Variants in RGL1 observed in about 807,000 individuals in gnomAD.
RGL1 encodes the protein ral guanine nucleotide dissociation stimulator like 1.
In RGL1, 24 loss-of-function variants were observed where a neutral mutation model predicts 95.2. That is an observed-to-expected ratio of 0.25 (90% confidence interval 0.18 to 0.35). The LOEUF is 0.35. RGL1 is among the 10% of genes least tolerant of loss of function. The probability of loss-of-function intolerance (pLI) is 1.00; values close to 1 mark genes in which losing one functional copy is unlikely to be tolerated. For missense variants in RGL1, 715 were observed against 936.3 expected (o/e 0.76, Z 3.08); for synonymous variants, 329 against 344.9 (o/e 0.95, Z 0.51).
chr1:183,870,295 G>A (rs1427385877), intron 4 of RGL1, among the ~76,000 whole-genome samples: 2 of 122,048 alleles, frequency 1.6e-5, no homozygotes, highest in African/African-American at 2.8e-5. Flanking sequence ...CTTCCGGCCA[G>A]GGTAGGTGTC....
intron 2 of RGL1, among the ~76,000 whole-genome samples, chr1:183,822,630 G>A (rs531662254): frequency 2.0e-5 from 3 of 152,254 alleles, no homozygotes; most frequent in South Asian, 2.1e-4. Flanking sequence ...CTCCAGTGAC[G>A]GAATGACATG....
At chr1:183,882,718 C>G (rs543542042) in intron 5 of RGL1, among the ~76,000 whole-genome samples, 2 of 152,302 alleles carry the variant, frequency 1.3e-5, no homozygotes, top group South Asian at 4.1e-4. Flanking sequence ...TAACCACATG[C>G]TGCCCTAAAG....
chr1:183,642,229 C>T (rs1229247878), intron 1 of RGL1, among the ~76,000 whole-genome samples: 7 of 151,876 alleles, frequency 4.6e-5, no homozygotes, highest in Non-Finnish European at 8.8e-5. Context: ...CCACTTAATA[C>T]GTTTATTGTG....
chr1:183,910,343 C>T (rs1668571395), intron 14 of RGL1, among the ~76,000 whole-genome samples: 1 of 152,204 alleles, frequency 6.6e-6, no homozygotes, highest in Admixed American at 6.5e-5. Flanking sequence ...GGCAGTCAGC[C>T]TGCCTCGGCC....
intron 2 of RGL1, chr1:183,754,356 A>G (rs1337912460): frequency 6.6e-6 from 1 of 152,220 alleles, no homozygotes; most frequent in Non-Finnish European, 1.5e-5. Context: ...GCTTTAAGGT[A>G]ACAAGTCCTA....
In RGL1 at chr1:183,750,163, T is replaced by C. The variant is rs538616882; in HGVS notation, c.132+7874T>C. Among the ~76,000 whole-genome samples the C allele has an allele frequency of 2.0e-5, 3 of 152,342 alleles. No homozygotes were observed. The East Asian group carries it at 5.8e-4, about 29-fold the overall frequency. Reference sequence around the variant, plus strand: ...ATATCCTGAAGTGTGTTTTCCAACTTGGTTCCATTCTCCCCATCGCTTTCA... The same window carrying C: ...ATATCCTGAAGTGTGTTTTCCAACTCGGTTCCATTCTCCCCATCGCTTTCA... On this transcript the variant is annotated intron_variant, in intron 2 of 18. Coordinates refer to the RGL1 transcript ENST00000304685.
intron 14 of RGL1, among the ~76,000 whole-genome samples, chr1:183,907,758 C>T (rs754098303): frequency 2.0e-5 from 3 of 152,148 alleles, no homozygotes; most frequent in Non-Finnish European, 4.4e-5. Flanking sequence ...CTATCATGCT[C>T]GCAGTTGTAT....
intron 2 of RGL1, among the ~76,000 whole-genome samples, chr1:183,793,656 C>T (rs1025308202): frequency 6.6e-6 from 1 of 151,710 alleles, no homozygotes; most frequent in African/African-American, 2.4e-5. Context: ...ATACAATTTG[C>T]CAACAGGTAT....
intron 1 of RGL1, among the ~76,000 whole-genome samples, chr1:183,673,278 T>C (rs1652593410): frequency 6.6e-6 from 1 of 152,228 alleles, no homozygotes; most frequent in South Asian, 2.1e-4. Context: ...TTAATATCAG[T>C]GTCTCAACTT....
chr1:183,899,367 G>A (rs188882357), intron 10 of RGL1, among the ~76,000 whole-genome samples: 225 of 152,288 alleles, frequency 1.5e-3, no homozygotes, highest in African/African-American at 4.9e-3. Flanking sequence ...TCAGGTCTAC[G>A]ACAGTGTTTT....
chr1:183,824,558 T>G (rs1017866234), intron 2 of RGL1, among the ~76,000 whole-genome samples: 15 of 152,254 alleles, frequency 9.9e-5, no homozygotes. Flanking sequence ...ACTGCCTTCC[T>G]ATTTTTGCTC....
chr1:183,733,093 G>A (rs962293955), intron 1 of RGL1, among the ~76,000 whole-genome samples: 1 of 152,098 alleles, frequency 6.6e-6, no homozygotes, highest in South Asian at 2.1e-4. Context: ...CCCTCACAGA[G>A]CTCTGAGTAA....
At position 183,785,422 on chromosome 1, in the gene RGL1, A is replaced by T. The variant is rs184484491; in HGVS notation, c.133-20953A>T. Among the ~76,000 whole-genome samples, 8 of 152,230 alleles carry T rather than the reference A, an allele frequency of 5.3e-5. No homozygotes were observed. In the East Asian group the frequency reaches 1.5e-3, roughly 29 times the overall value. On this transcript the variant is annotated intron_variant, in intron 2 of 18. Coordinates refer to the RGL1 transcript ENST00000304685. ...AGCTGTAGGCATACCTGACTCCTTG[A>T]CTGTGGATTAGGTGCTTCTCCTTGA... is the stretch of plus-strand genomic sequence containing the variant.
chr1:183,805,971 CTTTTTTTTTTTTTTTTTTTTTTTT>C (rs751229707), intron 1 of RGL1, among the ~76,000 whole-genome samples: 20 of 74,648 alleles, frequency 2.7e-4, no homozygotes, highest in East Asian at 1.4e-3. Context: ...CTTTTCTTTT[CTTTTTTTTTTTTTTTTTTTTTTTT>C]TTTTTTTTTT....
At chr1:183,730,621 G>T (rs993342153) in intron 1 of RGL1, among the ~76,000 whole-genome samples, 1 of 152,162 alleles carries the variant, frequency 6.6e-6, no homozygotes, top group Non-Finnish European at 1.5e-5. Flanking sequence ...TGGAAGGCTA[G>T]TGTTGCCAGA....
At chr1:183,857,532 T>C (rs1665232824) in intron 3 of RGL1, among the ~76,000 whole-genome samples, 1 of 152,188 alleles carries the variant, frequency 6.6e-6, no homozygotes, top group Admixed American at 6.5e-5. Context: ...GTGTCCACCC[T>C]CACCTTTGTT....
rs528940455 is a variant in RGL1 at position 183,733,155 on chromosome 1, G to A, written c.-32-8971G>A. Among the ~76,000 whole-genome samples the A allele has an allele frequency of 6.7e-4, 102 of 152,092 alleles. 1 individual carries two copies. The highest frequency in any genetic ancestry group is 3.8e-4 in the Non-Finnish European group (26 of 67,972). On this transcript the variant is annotated intron_variant, in intron 1 of 18. Coordinates refer to the RGL1 transcript ENST00000304685. ...TTTTTTAATGTTGGAGTGTCCTTAC[G>A]GGGTTTGCTAAAGGACAAATGGGGC...
At chr1:183,820,162 T>C (rs914796892) in intron 2 of RGL1, among the ~76,000 whole-genome samples, 2 of 152,212 alleles carry the variant, frequency 1.3e-5, no homozygotes, top group Non-Finnish European at 2.9e-5. Context: ...ACAGTTCTTT[T>C]CACTTTTACT....
intron 2 of RGL1, among the ~76,000 whole-genome samples, chr1:183,832,240 G>A (rs1663311418): frequency 6.6e-6 from 1 of 152,196 alleles, no homozygotes; most frequent in African/African-American, 2.4e-5. Flanking sequence ...ATTTTGGGGG[G>A]ATGAGGGAGT....
Sources: gnomAD v4.1 joint callset for allele counts (sites outside exome capture counted in the v4.1 genomes callset) on GRCh38, gnomAD v4.1.1 for gene constraint, MANE v1.5 for transcripts, NCBI Gene and HGNC (gene_info 2026-07-23, HGNC 2026-07-21) for gene names.